The following ATP2B1 variants were observed in gnomAD, a reference collection of about 807,000 sequenced individuals.
ATP2B1 encodes the protein ATPase plasma membrane Ca2+ transporting 1, also known as plasma membrane calcium-transporting ATPase 1.
ATP2B1 carries 14 observed loss-of-function variants against 124.2 expected under a neutral mutation model. That is an observed-to-expected ratio of 0.11 (90% confidence interval 0.07 to 0.18). The LOEUF (loss-of-function observed/expected upper bound fraction) is 0.18, where lower values mean the gene tolerates loss of function less well. ATP2B1 is among the 10% of genes least tolerant of loss of function. The pLI, the probability that ATP2B1 is intolerant of heterozygous loss-of-function variation, is 1.00. For synonymous variants in ATP2B1, 449 were observed against 492.4 expected, an observed-to-expected ratio of 0.91 and a Z score of 1.17; for missense variants, 763 against 1,466.1, an observed-to-expected ratio of 0.52 and a Z score of 7.83.
chr12:89,596,083 T>C (rs1874551019), intron 20 of ATP2B1, among the ~76,000 whole-genome samples: 1 of 152,038 alleles, frequency 6.6e-6, no homozygotes. Context: ...GTCTTAAAAG[T>C]TTATGATTGC....
chr12:89,662,136 T>C (rs1390274696), intron 1 of ATP2B1, among the ~76,000 whole-genome samples: 1 of 150,740 alleles, frequency 6.6e-6, no homozygotes, highest in African/African-American at 2.5e-5. Flanking sequence ...GATCTTTCTT[T>C]CTTTTTTTTT....
At chr12:89,601,297 G>A (rs781071734) in intron 19 of ATP2B1, 29 bp downstream of exon 19, 31 of 1,443,566 alleles carry the variant, frequency 2.1e-5, no homozygotes, top group Admixed American at 1.2e-4. Context: ...ATCACTTTAG[G>A]TTTAAACAAA....
chr12:89,658,272 G>T (rs899656631), intron 1 of ATP2B1, among the ~76,000 whole-genome samples: 1 of 152,098 alleles, frequency 6.6e-6, no homozygotes. Context: ...AATCACCATG[G>T]ACGTGAAATG....
chr12:89,653,589 G>A lies in ATP2B1; in HGVS notation c.208+2090C>T, dbSNP rs540423352. ...TGGGATTACAGGCGTGAGCCACCGC[G>A]CCCGGCCTCACATAGAATTTTGAGT... On this transcript the variant is annotated intron_variant, in intron 2 of 20. Coordinates refer to ENST00000428670, the MANE Select transcript of ATP2B1 (RefSeq NM_001366521.1). 3.3e-5 allele frequency among the ~76,000 whole-genome samples: 5 copies of A among 152,086 alleles called. No homozygotes were observed. In the South Asian group the frequency reaches 6.2e-4, roughly 19 times the overall value.
intron 1 of ATP2B1, among the ~76,000 whole-genome samples, chr12:89,698,858 A>G (rs1247517806): frequency 6.6e-6 from 1 of 152,150 alleles, no homozygotes; most frequent in Admixed American, 6.5e-5. Flanking sequence ...GTGAGGGAAG[A>G]AGACTGGTGA....
At position 89,600,016 on chromosome 12, in the gene ATP2B1, T is replaced by A. The variant is rs374470596; in HGVS notation, c.3169-717A>T. ...CCCACCTCATTTCACCAAGGTGAAA[T>A]AGGCTTCAAGGCACATAAAGTGACT... is the stretch of plus-strand genomic sequence containing the variant. On this transcript the variant is annotated intron_variant, in intron 19 of 20. Coordinates refer to ENST00000428670, the MANE Select transcript of ATP2B1 (RefSeq NM_001366521.1). 4.6e-5 allele frequency among the ~76,000 whole-genome samples: 7 copies of A among 152,264 alleles called. No homozygotes were observed. The South Asian group carries it at 1.2e-3, about 27-fold the overall frequency.
chr12:89,655,119 T>G lies in ATP2B1; in HGVS notation c.208+560A>C, dbSNP rs184183037. 3.9e-5 allele frequency among the ~76,000 whole-genome samples: 6 copies of G among 152,308 alleles called. No homozygotes were observed. The East Asian group carries it at 1.2e-3, about 29-fold the overall frequency. On this transcript the variant is annotated intron_variant, in intron 2 of 20. Coordinates refer to ENST00000428670, the MANE Select transcript of ATP2B1 (RefSeq NM_001366521.1). Reference sequence around the variant, plus strand: ...AAAGGCTTCTGTGAACACAGGAATATTCAACATAATTCAAAGACTAAAAAC... The same window carrying G: ...AAAGGCTTCTGTGAACACAGGAATAGTCAACATAATTCAAAGACTAAAAAC...
At chr12:89,709,118 G>A (rs1464311150), upstream of ATP2B1, 1 of 150,836 alleles carries the variant, frequency 6.6e-6, no homozygotes, top group Non-Finnish European at 1.5e-5. Flanking sequence ...AGAGCGGACG[G>A]CCGAGCACGA....
At chr12:89,663,025 G>C (rs1886883587) in intron 1 of ATP2B1, among the ~76,000 whole-genome samples, 2 of 152,206 alleles carry the variant, frequency 1.3e-5, no homozygotes. Context: ...ACTCATGGGA[G>C]AATCTGTGCC....
chr12:89,669,925 A>G (rs990328953), intron 1 of ATP2B1, among the ~76,000 whole-genome samples: 1 of 152,250 alleles, frequency 6.6e-6, no homozygotes, highest in African/African-American at 2.4e-5. Flanking sequence ...GGGAGGTATT[A>G]CGTATCTATA....
At chr12:89,687,517 A>G (rs1890099709) in intron 1 of ATP2B1, among the ~76,000 whole-genome samples, 1 of 152,052 alleles carries the variant, frequency 6.6e-6, no homozygotes, top group Non-Finnish European at 1.5e-5. Context: ...GGGTTTTGCT[A>G]TCTAGGTGGG....
intron 5 of ATP2B1, among the ~76,000 whole-genome samples, chr12:89,632,352 T>C (rs1254100074): frequency 6.6e-6 from 1 of 152,246 alleles, no homozygotes; most frequent in Non-Finnish European, 1.5e-5. Flanking sequence ...TTATCCAATA[T>C]TGTTTTTTAG....
chr12:89,671,952 G>C (rs2136530032), intron 1 of ATP2B1, among the ~76,000 whole-genome samples: 1 of 152,212 alleles, frequency 6.6e-6, no homozygotes, highest in South Asian at 2.1e-4. Flanking sequence ...TCTCTATCCT[G>C]AGAGGTCCCT....
intron 1 of ATP2B1, among the ~76,000 whole-genome samples, chr12:89,674,391 G>A (rs1362091373): frequency 6.7e-6 from 1 of 149,766 alleles, no homozygotes; most frequent in African/African-American, 2.4e-5. Flanking sequence ...GGAAAGATAA[G>A]GATGGGTAAA....
At chr12:89,688,353 G>A (rs1485178249) in intron 1 of ATP2B1, among the ~76,000 whole-genome samples, 1 of 152,096 alleles carries the variant, frequency 6.6e-6, no homozygotes, top group Non-Finnish European at 1.5e-5. Context: ...AAAATATCTG[G>A]AGACTCACAT....
intron 8 of ATP2B1, 28 bp from the exon 9 acceptor site, chr12:89,624,425 G>A (rs201291118): frequency 2.2e-5 from 35 of 1,569,922 alleles, no homozygotes; most frequent in South Asian, 8.0e-5. Flanking sequence ...AAAGAAAAAT[G>A]TGATTATTAA....
chr12:89,606,202 T>G (rs1876832212), intron 15 of ATP2B1, among the ~76,000 whole-genome samples: 1 of 152,368 alleles, frequency 6.6e-6, no homozygotes. Flanking sequence ...GTATATGCGG[T>G]GAATGTGGTC....
At chr12:89,658,414 T>C (rs1886220807) in intron 1 of ATP2B1, among the ~76,000 whole-genome samples, 1 of 152,230 alleles carries the variant, frequency 6.6e-6, no homozygotes, top group Non-Finnish European at 1.5e-5. Flanking sequence ...GACCCCAAGG[T>C]TTAAAAGCCT....
chr12:89,687,006 C>G lies in ATP2B1; in HGVS notation c.-222+21590G>C, dbSNP rs191269743. Among the ~76,000 whole-genome samples, 236 of 151,816 alleles carry G rather than the reference C, an allele frequency of 1.6e-3. 1 individual carries two copies. The highest frequency in any genetic ancestry group is 4.9e-3 in the African/African-American group (202 of 41,406). ...CAACCAACCACGAATAGAAAATATT[C>G]GGGGGGAAAAAAAAGGATGTGTCTG... On this transcript the variant is annotated intron_variant, in intron 1 of 20. Transcript: ENST00000428670.
Sources: allele counts gnomAD v4.1 joint callset (sites outside exome capture counted in the v4.1 genomes callset), GRCh38; gene constraint gnomAD v4.1.1; transcripts MANE v1.5; gene names NCBI Gene and HGNC (gene_info 2026-07-23, HGNC 2026-07-21).